INSL6: variants seen among roughly 807,000 people sequenced by gnomAD.
INSL6 encodes insulin like 6.
INSL6 carries 16 observed loss-of-function variants against 9.4 expected under a neutral mutation model. The ratio of observed to expected loss-of-function variants is 1.70; its 90% CI spans 1.15 to 2.59. The LOEUF (loss-of-function observed/expected upper bound fraction) is 2.59. Ranked by LOEUF, INSL6 falls within the 30% of genes most tolerant of loss-of-function variation. The pLI, the probability that INSL6 is intolerant of heterozygous loss-of-function variation, is 0.00. For synonymous variants in INSL6, 154 were observed against 96.9 expected, an observed-to-expected ratio of 1.59 and a Z score of -3.46; for missense variants, 391 against 257.3, an observed-to-expected ratio of 1.52 and a Z score of -3.56.
intron 2 of INSL6, among the ~76,000 whole-genome samples, chr9:5,156,625 G>A (rs1824818601): frequency 1.3e-5 from 2 of 152,086 alleles, no homozygotes. Context: ...CTAAAACTTT[G>A]CCTAGTTAAT....
At chr9:5,165,901 AG>A (rs1168398487) in intron 1 of INSL6, among the ~76,000 whole-genome samples, 1 of 152,230 alleles carries the variant, frequency 6.6e-6, no homozygotes, top group African/African-American at 2.4e-5. Context: ...GCTCTTAGGC[AG>A]CCATGTTCTG....
the INSL6 span, among the ~76,000 whole-genome samples, chr9:5,092,469 A>G: frequency 6.6e-6 from 1 of 152,170 alleles, no homozygotes; most frequent in African/African-American, 2.4e-5. Context: ...CAACCTGGTC[A>G]CTTTGAGCCA....
the INSL6 span, among the ~76,000 whole-genome samples, chr9:5,061,936 T>C: frequency 2.0e-5 from 3 of 152,150 alleles, no homozygotes; most frequent in Non-Finnish European, 4.4e-5. Flanking sequence ...ATTATTGTTG[T>C]GTCTGAGGGA....
chr9:5,098,119 A>G, the INSL6 span: 7 of 152,150 alleles, frequency 4.6e-5, no homozygotes, highest in African/African-American at 9.7e-5. Flanking sequence ...CAATTGAACA[A>G]CCATCTAGTA....
chr9:5,024,097 A>T, the INSL6 span, among the ~76,000 whole-genome samples: 2 of 152,100 alleles, frequency 1.3e-5, no homozygotes, highest in Non-Finnish European at 2.9e-5. Flanking sequence ...TCTGCTAAAA[A>T]TACAAAAAAT....
the INSL6 span, among the ~76,000 whole-genome samples, chr9:5,117,537 C>G: frequency 1.3e-5 from 2 of 152,082 alleles, no homozygotes; most frequent in Non-Finnish European, 2.9e-5. Flanking sequence ...GATATGTTTT[C>G]TATTTAACCA....
downstream of INSL6, among the ~76,000 whole-genome samples, chr9:5,119,063 A>G (rs1367896343): frequency 6.6e-6 from 1 of 152,154 alleles, no homozygotes; most frequent in Non-Finnish European, 1.5e-5. Context: ...TATTATTAAC[A>G]TATTTTATCA....
At chr9:5,071,806 A>G in the INSL6 span, among the ~76,000 whole-genome samples, 6 of 152,214 alleles carry the variant, frequency 3.9e-5, no homozygotes, top group Admixed American at 3.9e-4. Flanking sequence ...TAACATTACA[A>G]ATCTAATAAA....
the INSL6 span, chr9:5,055,517 T>C: frequency 5.5e-6 from 3 of 544,934 alleles, no homozygotes; most frequent in South Asian, 7.2e-5. Flanking sequence ...AGGGTTAGAT[T>C]GATAGAGTAA....
chr9:5,155,256 C>T lies in INSL6; in HGVS notation c.376+8923G>A, dbSNP rs909868208. Among the ~76,000 whole-genome samples, 3 of 146,464 alleles carry T rather than the reference C, an allele frequency of 2.0e-5. No homozygotes were observed. In the Admixed American group the frequency reaches 2.1e-4, roughly 10 times the overall value. On this transcript the variant is annotated intron_variant, in intron 2 of 3. Transcript: ENST00000649639. The stretch of plus-strand genomic sequence containing the variant: ...AACCAAACACTGCATGTTCTCACTC[C>T]TAGGCGGGAATTGAACAATGAGAAC...
the INSL6 span, among the ~76,000 whole-genome samples, chr9:5,032,400 G>T: frequency 1.3e-5 from 2 of 152,322 alleles, no homozygotes; most frequent in African/African-American, 2.4e-5. Context: ...GAAGAGTAGT[G>T]GTTCTCCCAG....
At chr9:5,047,504 C>T in the INSL6 span, among the ~76,000 whole-genome samples, 1 of 152,190 alleles carries the variant, frequency 6.6e-6, no homozygotes, top group Non-Finnish European at 1.5e-5. Flanking sequence ...CATATCTATT[C>T]AACAACAATT....
At chr9:5,031,385 G>C in the INSL6 span, among the ~76,000 whole-genome samples, 6 of 152,150 alleles carry the variant, frequency 3.9e-5, no homozygotes, top group East Asian at 9.6e-4. Flanking sequence ...TAATGAGAAT[G>C]ATGGGGCCAG....
At chr9:5,102,309 A>C in the INSL6 span, among the ~76,000 whole-genome samples, 1 of 152,224 alleles carries the variant, frequency 6.6e-6, no homozygotes, top group Admixed American at 6.5e-5. Flanking sequence ...AGATCAAATT[A>C]ATGAAATAAA....
At chr9:5,113,984 G>T in the INSL6 span, 2 of 267,946 alleles carry the variant, frequency 7.5e-6, no homozygotes, top group Non-Finnish European at 7.5e-6. Flanking sequence ...GCATCACCTG[G>T]CTGGAGGATG....
chr9:5,001,575 GGTTCTAT>G, the INSL6 span, among the ~76,000 whole-genome samples: 2 of 151,056 alleles, frequency 1.3e-5, no homozygotes, highest in Non-Finnish European at 3.0e-5. Context: ...ATATGCTCCT[GGTTCTAT>G]GTTCTATTAT....
the INSL6 span, among the ~76,000 whole-genome samples, chr9:5,071,576 A>G: frequency 2.4e-3 from 361 of 152,330 alleles, 3 homozygotes; most frequent in African/African-American, 8.1e-3. Flanking sequence ...AGAGAGATGT[A>G]GTGAACCTCA....
intron 2 of INSL6, among the ~76,000 whole-genome samples, chr9:5,137,571 C>T (rs1316979352): frequency 6.6e-6 from 1 of 152,110 alleles, no homozygotes; most frequent in East Asian, 1.9e-4. Flanking sequence ...TTCCTTACAC[C>T]TTATACAAAA....
chr9:5,099,874 C>T, the INSL6 span: 1 of 152,090 alleles, frequency 6.6e-6, no homozygotes, highest in African/African-American at 2.4e-5. Flanking sequence ...TATAGCAATC[C>T]CCCTGTGAGC....
Sources: allele counts gnomAD v4.1 joint callset (sites outside exome capture counted in the v4.1 genomes callset), GRCh38; gene constraint gnomAD v4.1.1; transcripts MANE v1.5; gene names NCBI Gene and HGNC (gene_info 2026-07-23, HGNC 2026-07-21).